The following OPRM1 variants were observed in gnomAD, a reference collection of about 807,000 sequenced individuals.
OPRM1 encodes the protein opioid receptor mu 1.
A neutral mutation model predicts 31.8 loss-of-function variants in OPRM1; 27 were observed. The observed-to-expected ratio is 0.85, with a 90% CI of 0.63 to 1.17. The LOEUF (loss-of-function observed/expected upper bound fraction) is 1.17. Among genes scored for constraint, OPRM1 ranks in the 50% most tolerant of loss-of-function variants. OPRM1 has a pLI of 0.00. For missense variants in OPRM1, 536 were observed against 511.1 expected (o/e 1.05, Z -0.47); for synonymous variants, 196 against 189.9 (o/e 1.03, Z -0.26).
In OPRM1 at chr6:154,119,712, T is replaced by C. The variant is rs569090866; in HGVS notation, c.*991T>C. On this transcript the variant is annotated 3_prime_UTR_variant, in exon 4 of 4. Coordinates refer to ENST00000330432, the MANE Select transcript of OPRM1 (RefSeq NM_000914.5). ...TTGATTGCCAGAACAGTTTAAACTT[T>C]TTTTAAACAATAAATCCAATAAACA... Among the ~76,000 whole-genome samples, 1 of 152,344 alleles carries C rather than the reference T, an allele frequency of 6.6e-6. No homozygotes were observed. The highest frequency in any genetic ancestry group is 2.4e-5 in the African/African-American group (1 of 41,580).
At chr6:154,046,129 G>A (rs1008955549) in intron 1 of OPRM1, among the ~76,000 whole-genome samples, 1 of 152,166 alleles carries the variant, frequency 6.6e-6, no homozygotes, top group African/African-American at 2.4e-5. Context: ...AATAAATAGA[G>A]CTCTTACAGA....
intron 3 of OPRM1, among the ~76,000 whole-genome samples, chr6:154,176,738 T>C (rs1030187225): frequency 1.7e-4 from 26 of 152,270 alleles, no homozygotes; most frequent in African/African-American, 6.0e-4. Flanking sequence ...AAAATGGCCA[T>C]AGTGCCCAAG....
rs61614242 is a variant in OPRM1 at position 154,107,953 on chromosome 6, T to TTTTATTTTATTTTATTTTATTTTA, written c.1165-10727_1165-10726insATTTTATTTTATTTTATTTTATTT. On this transcript the variant is annotated intron_variant, in intron 3 of 3. Transcript: ENST00000330432. ...TTTACAGAGGAGATAAACACTGATT[T>TTTTATTTTATTTTATTTTATTTTA]TTTTATTTTATTTTATTTTATTTTA... 947 of 518,086 alleles carry TTTTATTTTATTTTATTTTATTTTA rather than the reference T, an allele frequency of 1.8e-3. 17 individuals carry two copies. In the African/African-American group the frequency reaches 0.021, roughly 11 times the overall value. The allele number at this position is 518,086 out of a possible 1,614,324, so 32.1% of individuals were successfully genotyped here.
Position 154,200,914 on chromosome 6 carries a change from G to A in OPRM1, c.1165-45779G>A, listed in dbSNP as rs563886167. ...TGTGTCCCTATCCAAATCTCACCTC[G>A]AATTGTAATCCCCACATGTCGAGGG... is the stretch of plus-strand genomic sequence containing the variant. On this transcript the variant is annotated intron_variant, in intron 3 of 3. Coordinates refer to the OPRM1 transcript ENST00000337049. Among the ~76,000 whole-genome samples the A allele has an allele frequency of 5.9e-5, 9 of 152,204 alleles. No homozygotes were observed. In the East Asian group the frequency reaches 9.7e-4, roughly 16 times the overall value.
intron 3 of OPRM1, among the ~76,000 whole-genome samples, chr6:154,100,347 G>A (rs543004978): frequency 1.3e-5 from 2 of 150,140 alleles, no homozygotes; most frequent in Non-Finnish European, 3.0e-5. Context: ...ATTGCCAGTG[G>A]TGTGTGCTAA....
chr6:154,168,063 A>T lies in OPRM1; in HGVS notation c.1164+76591A>T. 1 of 1,605,886 alleles carries T rather than the reference A, an allele frequency of 6.2e-7. No individual in the cohort carries two copies. The highest frequency in any genetic ancestry group is 8.5e-7 in the Non-Finnish European group (1 of 1,173,858). ...AGAGGAGATAGACTAGCTTGCTCTA[A>T]TGATTTGTACAGCTTCTCCATTTCA... On this transcript the variant is annotated intron_variant, in intron 3 of 3. Coordinates refer to the OPRM1 transcript ENST00000337049. This position sits in a 1 kb window ranked among gnomAD's most constrained non-coding sequence, Gnocchi z 4.1.
At chr6:154,022,052 T>C (rs892480677) in intron 1 of OPRM1, among the ~76,000 whole-genome samples, 1 of 152,228 alleles carries the variant, frequency 6.6e-6, no homozygotes, top group African/African-American at 2.4e-5. Flanking sequence ...CTTGCCTTGC[T>C]CCTTATCTTA....
intron 1 of OPRM1, among the ~76,000 whole-genome samples, chr6:154,072,248 G>T (rs1786941300): frequency 6.6e-6 from 1 of 152,138 alleles, no homozygotes; most frequent in Admixed American, 6.5e-5. Flanking sequence ...TGGCCGTTAG[G>T]ATCAAGAGAA....
At chr6:154,013,431 G>A (rs1777836792) in intron 1 of OPRM1, among the ~76,000 whole-genome samples, 2 of 152,142 alleles carry the variant, frequency 1.3e-5, no homozygotes, top group South Asian at 4.1e-4. Flanking sequence ...AAAAGTTACA[G>A]AAAGAATTTG....
In OPRM1 at chr6:154,091,235, A is replaced by T. The variant is rs1792095374; in HGVS notation, c.927A>T (p.Thr309=). The T allele has an allele frequency of 6.2e-7, 1 of 1,614,054 alleles. No homozygotes were observed. Among genetic ancestry groups the T allele is most frequent in the African/African-American group, 1.3e-5 (1 of 74,908 alleles). Residue 309 remains threonine (T), a synonymous_variant, in exon 3 of 4, where the codon ACA becomes ACT. Transcript: ENST00000330432. ...ACGTCATCATTAAAGCCTTGGTTAC[A>T]ATCCCAGAAACTACGTTCCAGACTG... is the stretch of plus-strand genomic sequence containing the variant. The part of the protein sequence containing the change: ...HIYVIIKALV[T]IPETTFQTVS...
chr6:154,187,406 T>G (rs557267914), intron 3 of OPRM1, among the ~76,000 whole-genome samples: 1 of 152,302 alleles, frequency 6.6e-6, no homozygotes, highest in South Asian at 2.1e-4. Context: ...TTATTTTGGC[T>G]TTCGTTTGCT....
At position 154,126,663 on chromosome 6, in the gene OPRM1, C is replaced by T. The variant is rs1797602001; in HGVS notation, c.*7942C>T. On this transcript the variant is annotated 3_prime_UTR_variant, in exon 4 of 4. Coordinates refer to ENST00000330432, the MANE Select transcript of OPRM1 (RefSeq NM_000914.5). ...ATCAGCTGGTGCCTCTTTTCATCTG[C>T]AGGGTAGATTTGGCTTCCATGGTTG... Among the ~76,000 whole-genome samples the T allele has an allele frequency of 6.6e-6, 1 of 152,070 alleles. No individual in the cohort carries two copies. The highest frequency in any genetic ancestry group is 6.6e-5 in the Admixed American group (1 of 15,266).
At chr6:154,228,574 A>C (rs934857465) in intron 3 of OPRM1, among the ~76,000 whole-genome samples, 4 of 152,186 alleles carry the variant, frequency 2.6e-5, no homozygotes, top group African/African-American at 9.6e-5. Context: ...TGTTCATCTC[A>C]GTGGAGTGTC....
chr6:154,152,347 G>GAAAGAAAGAAAGGAAAGAAA lies in OPRM1; in HGVS notation c.1164+60875_1164+60876insAAAGAAAGAAAGGAAAGAAA. Among the ~76,000 whole-genome samples, 35 of 65,130 alleles carry GAAAGAAAGAAAGGAAAGAAA rather than the reference G, an allele frequency of 5.4e-4. 1 individual carries two copies. The highest frequency in any genetic ancestry group is 1.9e-3 in the African/African-American group (34 of 17,882). The allele number at this position is 65,130 out of a possible 152,430, so 42.7% of individuals were successfully genotyped here. The stretch of plus-strand genomic sequence containing the variant: ...AGAAAGAAAGAAAGAAAGAAAGAAA[G>GAAAGAAAGAAAGGAAAGAAA]GAAAGAAAGAAAGAAAGAAAGAAAG... On this transcript the variant is annotated intron_variant, in intron 3 of 3. Transcript: ENST00000337049.
chr6:154,163,543 A>G lies in OPRM1; in HGVS notation c.1164+72071A>G, dbSNP rs377178100. The stretch of plus-strand genomic sequence containing the variant: ...GTCAATTATGTTTGTTTATTCTCCT[A>G]CTAAAACATAAGCTTCCGGAAGGCA... On this transcript the variant is annotated intron_variant, in intron 3 of 3. Transcript: ENST00000337049. 2.2e-4 allele frequency among the ~76,000 whole-genome samples: 33 copies of G among 152,308 alleles called. No homozygotes were observed. In the East Asian group the frequency reaches 4.2e-3, roughly 20 times the overall value.
At chr6:154,137,828 GGAA>G (rs760150561) in intron 3 of OPRM1, among the ~76,000 whole-genome samples, 16 of 152,134 alleles carry the variant, frequency 1.1e-4, no homozygotes, top group Non-Finnish European at 2.2e-4. Flanking sequence ...GAGGGATGTT[GGAA>G]GAAGAAGAAT....
intron 3 of OPRM1, among the ~76,000 whole-genome samples, chr6:154,216,258 G>C (rs955924705): frequency 2.1e-4 from 32 of 151,986 alleles, no homozygotes; most frequent in African/African-American, 7.5e-4. Context: ...TATCAACACT[G>C]ATTCTATCAA....
intron 1 of OPRM1, among the ~76,000 whole-genome samples, chr6:154,019,226 AATC>A (rs1212523665): frequency 6.6e-6 from 1 of 151,204 alleles, no homozygotes; most frequent in Non-Finnish European, 1.5e-5. Context: ...TTTTTTAAAA[AATC>A]ATCTTTATTT....
rs1360734115 is a variant in OPRM1, at chr6:154,152,390, A to AAGAAAGAAAGAAAGAAAGAAAG, written c.1164+60921_1164+60922insAAGAAAGAAAGAAAGAAAGAGA. On this transcript the variant is annotated intron_variant, in intron 3 of 3. Coordinates refer to the OPRM1 transcript ENST00000337049. ...AAAGAAAGAAAGAAAGAAAGAAAGA[A>AAGAAAGAAAGAAAGAAAGAAAG]AGAGAAATAGTGTTCAGGTTGTGGT... Among the ~76,000 whole-genome samples the AAGAAAGAAAGAAAGAAAGAAAG allele has an allele frequency of 4.8e-5, 6 of 126,200 alleles. 1 individual carries two copies. The highest frequency in any genetic ancestry group is 1.8e-4 in the African/African-American group (6 of 32,632). 82.8% of individuals were successfully genotyped at this position (126,200 alleles called of 152,430 possible).
Sources: gnomAD v4.1 joint callset for allele counts (sites outside exome capture counted in the v4.1 genomes callset) on GRCh38, gnomAD v4.1.1 for gene constraint, Gnocchi (gnomAD v3.1) non-coding constraint, MANE v1.5 for transcripts, NCBI Gene and HGNC (gene_info 2026-07-23, HGNC 2026-07-21) for gene names.